The following RAB2A variants were observed in gnomAD, a reference collection of about 807,000 sequenced individuals.
RAB2A encodes the protein RAB2A, member RAS oncogene family.
In RAB2A, 7 loss-of-function variants were observed where a neutral mutation model predicts 32.5. The observed-to-expected ratio is 0.22, with a 90% confidence interval of 0.12 to 0.40. RAB2A has a LOEUF of 0.40. RAB2A is among the 10% of genes least tolerant of loss of function. The pLI, the probability that RAB2A is intolerant of heterozygous loss-of-function variation, is 1.00. For synonymous variants in RAB2A, 79 were observed against 85.2 expected, an observed-to-expected ratio of 0.93 and a Z score of 0.40; for missense variants, 108 against 260.7, an observed-to-expected ratio of 0.41 and a Z score of 4.03.
intron 1 of RAB2A, 32 bp downstream of exon 1, chr8:60,517,285 C>A: frequency 6.8e-7 from 1 of 1,472,524 alleles, no homozygotes; most frequent in South Asian, 1.3e-5. Flanking sequence ...GGGCGGGTGT[C>A]GGCGGCCTCC....
Position 60,558,931 on chromosome 8 carries a change from T to C in RAB2A, c.118+8T>C. On this transcript the variant is annotated splice_region_variant and intron_variant, in intron 2 of 7. Coordinates refer to ENST00000262646, the MANE Select transcript of RAB2A (RefSeq NM_002865.3). ...TGCATGACCTTACTATTGGTAAGTT[T>C]TATAAAAGGGATGAGAAGCACTAAA... The C allele has an allele frequency of 6.2e-7, 1 of 1,600,956 alleles. No individual in the cohort carries two copies. The highest frequency in any genetic ancestry group is 8.6e-7 in the Non-Finnish European group (1 of 1,169,020).
chr8:60,605,832 C>CATAT (rs1328541490), intron 6 of RAB2A, among the ~76,000 whole-genome samples: 1,760 of 120,782 alleles, frequency 0.015, 176 homozygotes, highest in African/African-American at 0.061. Flanking sequence ...GGGACTAATA[C>CATAT]ATATATACAT....
intron 1 of RAB2A, among the ~76,000 whole-genome samples, chr8:60,518,340 G>A (rs753332866): frequency 1.3e-5 from 2 of 152,096 alleles, no homozygotes; most frequent in Non-Finnish European, 2.9e-5. Context: ...AACTAATGAT[G>A]TGGCAGGTTC....
chr8:60,545,238 T>G (rs1021924581), intron 1 of RAB2A, among the ~76,000 whole-genome samples: 3 of 152,124 alleles, frequency 2.0e-5, no homozygotes, highest in African/African-American at 7.2e-5. Context: ...GAGGACTTAA[T>G]TAGATTCTTG....
intron 1 of RAB2A, among the ~76,000 whole-genome samples, chr8:60,522,608 G>A (rs1807318322): frequency 6.6e-6 from 1 of 152,106 alleles, no homozygotes; most frequent in Non-Finnish European, 1.5e-5. Flanking sequence ...AACCATGCAT[G>A]GGTTATTTTA....
chr8:60,551,038 C>T (rs1055296270), intron 1 of RAB2A, among the ~76,000 whole-genome samples: 6 of 152,176 alleles, frequency 3.9e-5, no homozygotes, highest in African/African-American at 1.4e-4. Flanking sequence ...TCCTCACCTC[C>T]TTTAAACCTT....
chr8:60,577,592 T>C (rs1249073934), intron 3 of RAB2A, among the ~76,000 whole-genome samples: 2 of 151,938 alleles, frequency 1.3e-5, no homozygotes, highest in Admixed American at 6.6e-5. Flanking sequence ...AAATATTTCC[T>C]CTCAATTATA....
chr8:60,547,204 G>A lies in RAB2A; in HGVS notation c.47-11648G>A, dbSNP rs550708230. On this transcript the variant is annotated intron_variant, in intron 1 of 7. Coordinates refer to ENST00000262646, the MANE Select transcript of RAB2A (RefSeq NM_002865.3). ...TACAGCACATGTTTCAGAGAACACAGGGTTGGGGGTAAGGTCACCGATCAA... is the reference window on the plus strand; with the variant it reads ...TACAGCACATGTTTCAGAGAACACAAGGTTGGGGGTAAGGTCACCGATCAA... 2.0e-5 allele frequency among the ~76,000 whole-genome samples: 3 copies of A among 152,072 alleles called. No individual in the cohort carries two copies. In the South Asian group the frequency reaches 6.2e-4, roughly 32 times the overall value.
chr8:60,579,505 T>C (rs1405739325), intron 3 of RAB2A, among the ~76,000 whole-genome samples: 1 of 152,222 alleles, frequency 6.6e-6, no homozygotes, highest in Admixed American at 6.5e-5. Flanking sequence ...TAAGCTAATA[T>C]TAGGAATCTC....
chr8:60,566,075 T>C (rs967234754), intron 2 of RAB2A, among the ~76,000 whole-genome samples: 3 of 152,156 alleles, frequency 2.0e-5, no homozygotes, highest in Admixed American at 6.5e-5. Context: ...ATTGTGAAAA[T>C]GTTGTAAAAA....
At chr8:60,577,140 G>A (rs557470910) in intron 3 of RAB2A, among the ~76,000 whole-genome samples, 24 of 151,926 alleles carry the variant, frequency 1.6e-4, no homozygotes, top group Admixed American at 1.4e-3. Flanking sequence ...CCACCTCCCA[G>A]GCTCAAGTGA....
At chr8:60,612,879 C>T (rs578064995) in intron 6 of RAB2A, among the ~76,000 whole-genome samples, 5 of 152,332 alleles carry the variant, frequency 3.3e-5, no homozygotes, top group South Asian at 2.1e-4. Context: ...GCTGTCCCTA[C>T]TCCATCTCAT....
intron 5 of RAB2A, among the ~76,000 whole-genome samples, chr8:60,586,375 C>T (rs1803847472): frequency 7.5e-6 from 1 of 133,724 alleles, no homozygotes; most frequent in African/African-American, 2.7e-5. Context: ...GGAAAGCCTC[C>T]TGCCCGTTAA....
At chr8:60,546,758 G>A (rs11782178) in intron 1 of RAB2A, among the ~76,000 whole-genome samples, 35,995 of 151,988 alleles carry the variant, frequency 0.24, 4,316 homozygotes, top group Middle Eastern at 0.39. Context: ...GCGTGCAAAG[G>A]CCAAGTAGTT....
intron 6 of RAB2A, among the ~76,000 whole-genome samples, chr8:60,610,530 A>C (rs1804325002): frequency 6.6e-6 from 1 of 152,178 alleles, no homozygotes; most frequent in Non-Finnish European, 1.5e-5. Flanking sequence ...ATGGATGCAT[A>C]CCACAAGACT....
chr8:60,567,815 C>T (rs1213580593), intron 2 of RAB2A, among the ~76,000 whole-genome samples: 4 of 151,720 alleles, frequency 2.6e-5, no homozygotes, highest in African/African-American at 9.7e-5. Context: ...CTTTTTAGTC[C>T]TATCTGTAAG....
chr8:60,533,009 G>A (rs1369618216), intron 1 of RAB2A, among the ~76,000 whole-genome samples: 2 of 152,198 alleles, frequency 1.3e-5, no homozygotes, highest in African/African-American at 2.4e-5. Context: ...AATGACCTTG[G>A]TAGGCAGAAT....
chr8:60,566,460 GT>G (rs1052878922), intron 2 of RAB2A, among the ~76,000 whole-genome samples: 3 of 151,828 alleles, frequency 2.0e-5, no homozygotes, highest in African/African-American at 4.8e-5. Context: ...GGGATAACTA[GT>G]TTTTTTGTTT....
chr8:60,574,057 T>C (rs1161919007), intron 3 of RAB2A, among the ~76,000 whole-genome samples: 2 of 152,268 alleles, frequency 1.3e-5, no homozygotes, highest in Non-Finnish European at 2.9e-5. Flanking sequence ...ACCAGACTAC[T>C]GTTATTCTTC....
Sources: gnomAD v4.1 joint callset for allele counts (sites outside exome capture counted in the v4.1 genomes callset) on GRCh38, gnomAD v4.1.1 for gene constraint, MANE v1.5 for transcripts, NCBI Gene and HGNC (gene_info 2026-07-23, HGNC 2026-07-21) for gene names.